CCSER1: variants seen among roughly 807,000 people sequenced by gnomAD.
CCSER1 encodes coiled-coil serine rich protein 1.
In CCSER1, 41 loss-of-function variants were observed where a neutral mutation model predicts 82.0. The ratio of observed to expected loss-of-function variants is 0.50; its 90% CI spans 0.39 to 0.65. CCSER1 has a LOEUF of 0.65. CCSER1 is among the 30% of genes least tolerant of loss of function. CCSER1 has a pLI of 0.00. For missense variants in CCSER1, 1,119 were observed against 1,064.2 expected, an observed-to-expected ratio of 1.05 and a Z score of -0.72; for synonymous variants, 414 against 383.9, an observed-to-expected ratio of 1.08 and a Z score of -0.92.
At chr4:90,693,626 A>G (rs1036499834) in intron 6 of CCSER1, 2 of 151,984 alleles carry the variant, frequency 1.3e-5, no homozygotes, top group Admixed American at 1.3e-4. Context: ...GTCATGTATT[A>G]TGTGGTAGTC....
At chr4:90,687,882 A>G (rs1028907472) in intron 6 of CCSER1, among the ~76,000 whole-genome samples, 2 of 152,156 alleles carry the variant, frequency 1.3e-5, no homozygotes, top group African/African-American at 4.8e-5. Context: ...CTGGAAAACA[A>G]GAGACAAAAA....
At chr4:90,477,704 A>G (rs190697163) in intron 5 of CCSER1, among the ~76,000 whole-genome samples, 9 of 149,508 alleles carry the variant, frequency 6.0e-5, no homozygotes, top group Admixed American at 1.3e-4. Context: ...TTTATCTTCT[A>G]TTTTACTTAG....
chr4:91,305,659 ATGTG>A (rs371511733), intron 10 of CCSER1, among the ~76,000 whole-genome samples: 1 of 149,418 alleles, frequency 6.7e-6, no homozygotes, highest in Non-Finnish European at 1.5e-5. Flanking sequence ...GTGTGTATGT[ATGTG>A]TGTGTGTGTG....
intron 4 of CCSER1, among the ~76,000 whole-genome samples, chr4:90,461,778 C>G (rs1484739473): frequency 6.6e-6 from 1 of 152,154 alleles, no homozygotes; most frequent in African/African-American, 2.4e-5. Context: ...GTGAACAAGA[C>G]TGCAACAGTC....
chr4:91,390,232 A>T (rs1265243458), intron 10 of CCSER1, among the ~76,000 whole-genome samples: 15 of 151,818 alleles, frequency 9.9e-5, no homozygotes, highest in Admixed American at 3.3e-4. Flanking sequence ...AGTTTTTTTT[A>T]AATTTTATTT....
chr4:91,064,547 G>C (rs922092615), intron 9 of CCSER1, among the ~76,000 whole-genome samples: 3 of 152,224 alleles, frequency 2.0e-5, no homozygotes, highest in Non-Finnish European at 4.4e-5. Flanking sequence ...TGTTGACTGA[G>C]TTCAAGATTT....
intron 7 of CCSER1, among the ~76,000 whole-genome samples, chr4:90,737,482 C>A (rs145720536): frequency 1.3e-5 from 2 of 152,236 alleles, no homozygotes; most frequent in Non-Finnish European, 2.9e-5. Flanking sequence ...AGGCTGCTGC[C>A]ATATGAATAG....
intron 9 of CCSER1, among the ~76,000 whole-genome samples, chr4:90,997,081 T>C (rs1737564594): frequency 1.3e-5 from 2 of 152,188 alleles, no homozygotes; most frequent in South Asian, 4.1e-4. Context: ...AGAACCACAG[T>C]GATTTAAATA....
At chr4:91,152,492 T>C (rs1730329858) in intron 10 of CCSER1, among the ~76,000 whole-genome samples, 1 of 152,252 alleles carries the variant, frequency 6.6e-6, no homozygotes, top group African/African-American at 2.4e-5. Flanking sequence ...TCTGTATCTT[T>C]TAATTGGAGC....
At chr4:90,529,826 C>T (rs557183171) in intron 5 of CCSER1, among the ~76,000 whole-genome samples, 12 of 151,942 alleles carry the variant, frequency 7.9e-5, no homozygotes, top group Non-Finnish European at 1.6e-4. Context: ...CATGAGGGCC[C>T]ACCTTTCTTT....
At position 91,509,157 on chromosome 4, in the gene CCSER1, T is replaced by A. The variant is rs374475086; in HGVS notation, c.2218-89415T>A. On this transcript the variant is annotated intron_variant, in intron 10 of 10. Coordinates refer to ENST00000509176, the MANE Select transcript of CCSER1 (RefSeq NM_001145065.2). ...GCTTTGGGTTTAGTTTTATGTTCTT[T>A]TTTTTAGCTTCTTTATGTGAATTGT... Among the ~76,000 whole-genome samples the A allele has an allele frequency of 9.2e-5, 14 of 152,058 alleles. No homozygotes were observed. The East Asian group carries it at 2.5e-3, about 27-fold the overall frequency.
In CCSER1 at chr4:91,290,322, CAT is replaced by C. The variant is rs553356932; in HGVS notation, c.2217+204329_2217+204330del. Among the ~76,000 whole-genome samples, 517 of 151,980 alleles carry C rather than the reference CAT, an allele frequency of 3.4e-3. 1 individual carries two copies. Among genetic ancestry groups the C allele is most frequent in the African/African-American group, 0.012 (495 of 41,492 alleles). On this transcript the variant is annotated intron_variant, in intron 10 of 10. Transcript: ENST00000509176. ...TGCTATATTTATATATAATTTATGA[CAT>C]GTTGTGATTTAATGTGTGGCCTTAT... is the stretch of plus-strand genomic sequence containing the variant.
chr4:91,474,815 A>ATATG (rs1560700786), intron 10 of CCSER1, among the ~76,000 whole-genome samples: 6 of 63,408 alleles, frequency 9.5e-5, no homozygotes, highest in African/African-American at 3.6e-4. Context: ...ATATATATAC[A>ATATG]CACACACACA....
At chr4:91,184,873 C>G (rs907370470) in intron 10 of CCSER1, among the ~76,000 whole-genome samples, 10 of 152,114 alleles carry the variant, frequency 6.6e-5, no homozygotes, top group African/African-American at 2.4e-4. Context: ...AGAACTTGTG[C>G]TCCTCATTGT....
At chr4:90,588,978 C>G (rs1782359234) in intron 5 of CCSER1, among the ~76,000 whole-genome samples, 1 of 152,156 alleles carries the variant, frequency 6.6e-6, no homozygotes, top group Admixed American at 6.5e-5. Flanking sequence ...AATAAGCAGA[C>G]TCTACATCAT....
intron 5 of CCSER1, among the ~76,000 whole-genome samples, chr4:90,623,313 C>A (rs370374199): frequency 2.0e-5 from 3 of 151,732 alleles, no homozygotes; most frequent in South Asian, 4.2e-4. Context: ...GGATTACAGG[C>A]GTGAGCCACT....
chr4:91,386,288 T>G (rs1023849680), intron 10 of CCSER1, among the ~76,000 whole-genome samples: 16 of 151,962 alleles, frequency 1.1e-4, no homozygotes, highest in Admixed American at 1.0e-3. Flanking sequence ...TTGAAGGAGC[T>G]CTCACTGTAA....
At chr4:90,518,116 T>C (rs761286117) in intron 5 of CCSER1, among the ~76,000 whole-genome samples, 1 of 152,140 alleles carries the variant, frequency 6.6e-6, no homozygotes, top group Non-Finnish European at 1.5e-5. Context: ...CCAGAGTTAG[T>C]TGGAATGATA....
intron 4 of CCSER1, among the ~76,000 whole-genome samples, chr4:90,448,444 A>AATAT (rs70963067): frequency 0.085 from 3,666 of 42,972 alleles, 248 homozygotes; most frequent in Non-Finnish European, 0.12. Context: ...AGGTGAATTG[A>AATAT]ATATATATAT....
Sources: gnomAD v4.1 joint callset for allele counts (sites outside exome capture counted in the v4.1 genomes callset) on GRCh38, gnomAD v4.1.1 for gene constraint, MANE v1.5 for transcripts, NCBI Gene and HGNC (gene_info 2026-07-23, HGNC 2026-07-21) for gene names.